The following GLIS3 variants were observed in gnomAD, a reference collection of about 807,000 sequenced individuals.
The protein encoded by GLIS3 is zinc finger protein GLIS3.
In GLIS3, 53 loss-of-function variants were observed where a neutral mutation model predicts 78.6. The ratio of observed to expected loss-of-function variants is 0.67; its 90% CI spans 0.54 to 0.85. The LOEUF (loss-of-function observed/expected upper bound fraction) is 0.85, where lower values mean the gene tolerates loss of function less well. Among genes scored for constraint, GLIS3 ranks in the 40% least tolerant of loss-of-function variants. The pLI is 0.00. For synonymous variants in GLIS3, 684 were observed against 509.9 expected (o/e 1.34, Z -4.60); for missense variants, 1,703 against 1,231.1 (o/e 1.38, Z -5.74).
At chr9:4,051,092 G>T (rs1018283194) in intron 4 of GLIS3, among the ~76,000 whole-genome samples, 30 of 152,170 alleles carry the variant, frequency 2.0e-4, no homozygotes, top group Non-Finnish European at 3.4e-4. Flanking sequence ...CTCCCGTGAG[G>T]CCTAAAATTC....
chr9:4,043,720 G>A (rs1825019562), intron 4 of GLIS3, among the ~76,000 whole-genome samples: 1 of 152,128 alleles, frequency 6.6e-6, no homozygotes, highest in Non-Finnish European at 1.5e-5. Flanking sequence ...AGAAAGATCT[G>A]TTTTCACACC....
intron 4 of GLIS3, among the ~76,000 whole-genome samples, chr9:4,075,243 G>A (rs1183084351): frequency 6.6e-6 from 1 of 151,992 alleles, no homozygotes; most frequent in Non-Finnish European, 1.5e-5. Context: ...TCAATTAGAT[G>A]TCAGTAAGAT....
chr9:4,454,139 G>A, the GLIS3 span, among the ~76,000 whole-genome samples: 2 of 133,506 alleles, frequency 1.5e-5, no homozygotes, highest in South Asian at 5.2e-4. Flanking sequence ...TTTGACAAAT[G>A]TATATGATGA....
chr9:4,264,048 T>C (rs1825763986), intron 2 of GLIS3, among the ~76,000 whole-genome samples: 1 of 152,184 alleles, frequency 6.6e-6, no homozygotes, highest in Non-Finnish European at 1.5e-5. Context: ...GATTTGTATA[T>C]CCAACCATGT....
intron 9 of GLIS3, among the ~76,000 whole-genome samples, chr9:3,847,223 AT>A (rs1034381388): frequency 6.1e-5 from 9 of 147,698 alleles, no homozygotes; most frequent in African/African-American, 2.0e-4. Context: ...ATAAAAAAAA[AT>A]AAAATAAAGA....
chr9:3,854,457 G>A (rs1819626142), intron 9 of GLIS3, among the ~76,000 whole-genome samples: 1 of 152,038 alleles, frequency 6.6e-6, no homozygotes. Flanking sequence ...CAATAGCTCT[G>A]GTTTTTCAAG....
intron 2 of GLIS3, among the ~76,000 whole-genome samples, chr9:4,270,710 G>A (rs564533780): frequency 1.3e-5 from 2 of 152,292 alleles, no homozygotes; most frequent in South Asian, 2.1e-4. Flanking sequence ...CACTCTCCCT[G>A]TGTGACGATC....
chr9:3,891,675 G>T (rs1162707907), intron 7 of GLIS3, among the ~76,000 whole-genome samples: 1 of 152,150 alleles, frequency 6.6e-6, no homozygotes, highest in Non-Finnish European at 1.5e-5. Flanking sequence ...GCACTCTAGC[G>T]TGAGTGGCAA....
rs997226469 is a variant in GLIS3, at chr9:4,080,731, A to C, written c.1710+37037T>G. ...TAGTTGGCTGAAAACTGAAATACTA[A>C]TGTCAACAAAAGAGAGAAGTCTAGG... is the stretch of plus-strand genomic sequence containing the variant. On this transcript the variant is annotated intron_variant, in intron 4 of 10. Transcript: ENST00000381971. 1.2e-4 allele frequency among the ~76,000 whole-genome samples: 18 copies of C among 152,192 alleles called. No homozygotes were observed. In the East Asian group the frequency reaches 1.9e-3, roughly 16 times the overall value.
In GLIS3 at chr9:4,199,473, T is replaced by C. The variant is rs78711758; in HGVS notation, c.389-73532A>G. 2.0e-5 allele frequency among the ~76,000 whole-genome samples: 3 copies of C among 149,294 alleles called. 1 individual carries two copies. The highest frequency in any genetic ancestry group is 4.2e-4 in the South Asian group (2 of 4,784). ...TATATAAGTTATATATAAGTTTATA[T>C]ATATAAGTTATATATAAGTTTATAT... On this transcript the variant is annotated intron_variant, in intron 2 of 10. Coordinates refer to ENST00000381971, the MANE Select transcript of GLIS3 (RefSeq NM_001042413.2).
chr9:4,239,851 G>C (rs1288343943), intron 2 of GLIS3, among the ~76,000 whole-genome samples: 1 of 152,176 alleles, frequency 6.6e-6, no homozygotes. Context: ...TAGATTTCAG[G>C]AGTGTTTGCA....
chr9:3,933,795 T>C (rs1407498646), intron 5 of GLIS3, among the ~76,000 whole-genome samples: 1 of 152,240 alleles, frequency 6.6e-6, no homozygotes, highest in Non-Finnish European at 1.5e-5. Context: ...AGCAAACAAA[T>C]AAGTGGATTA....
At chr9:4,329,794 A>T (rs1188224939) in intron 2 of GLIS3, among the ~76,000 whole-genome samples, 1 of 152,168 alleles carries the variant, frequency 6.6e-6, no homozygotes, top group Non-Finnish European at 1.5e-5. Context: ...CAACGTATTA[A>T]TACTGTCATT....
chr9:3,888,674 C>T (rs576226620), intron 7 of GLIS3, among the ~76,000 whole-genome samples: 6 of 152,288 alleles, frequency 3.9e-5, no homozygotes, highest in African/African-American at 1.4e-4. Flanking sequence ...CTCCAGAGAA[C>T]CCCCTTTCCT....
At chr9:4,338,971 G>A (rs1817795859) in intron 2 of GLIS3, among the ~76,000 whole-genome samples, 2 of 152,172 alleles carry the variant, frequency 1.3e-5, no homozygotes, top group Admixed American at 6.5e-5. Flanking sequence ...AAATGAGACG[G>A]CTTTATGTGT....
intron 2 of GLIS3, among the ~76,000 whole-genome samples, chr9:4,230,233 G>T (rs548632352): frequency 1.4e-4 from 21 of 152,272 alleles, no homozygotes; most frequent in African/African-American, 4.6e-4. Context: ...TTAAAGGCCC[G>T]ATAAATCTCC....
chr9:4,057,860 T>A (rs954878362), intron 4 of GLIS3, among the ~76,000 whole-genome samples: 4 of 152,138 alleles, frequency 2.6e-5, no homozygotes, highest in Non-Finnish European at 5.9e-5. Flanking sequence ...GATGGGCTTA[T>A]GCAAGATGTA....
rs183393194 is a variant in GLIS3, at chr9:4,222,550, C to A, written c.388+63488G>T. 5.9e-4 allele frequency among the ~76,000 whole-genome samples: 90 copies of A among 152,332 alleles called. 1 individual carries two copies. The highest frequency in any genetic ancestry group is 2.1e-3 in the African/African-American group (86 of 41,570). On this transcript the variant is annotated intron_variant, in intron 2 of 10. Coordinates refer to ENST00000381971, the MANE Select transcript of GLIS3 (RefSeq NM_001042413.2). ...TAGACCCAGCCAAGACTTTGCTTAA[C>A]CCCATGGTACTGGAGTTTGCCAAAT...
the GLIS3 span, among the ~76,000 whole-genome samples, chr9:4,377,634 G>C: frequency 1.3e-5 from 1 of 77,646 alleles, no homozygotes; most frequent in Admixed American, 1.2e-4. Flanking sequence ...AAAGTAGTGT[G>C]AAGATTCTAT....
Sources: gnomAD v4.1 joint callset for allele counts (sites outside exome capture counted in the v4.1 genomes callset) on GRCh38, gnomAD v4.1.1 for gene constraint, MANE v1.5 for transcripts, NCBI Gene and HGNC (gene_info 2026-07-23, HGNC 2026-07-21) for gene names.